COX7A2L: variants seen among roughly 807,000 people sequenced by gnomAD.
COX7A2L encodes the protein cytochrome c oxidase subunit 7A2-like, mitochondrial.
Under a neutral mutation model 14.2 loss-of-function variants are expected in COX7A2L, and 18 were observed. The observed-to-expected ratio is 1.27, with a 90% CI of 0.88 to 1.88. COX7A2L has a LOEUF of 1.88. COX7A2L is among the 40% of genes most tolerant of loss of function. The probability of loss-of-function intolerance (pLI) is 0.00; values close to 1 mark genes in which losing one functional copy is unlikely to be tolerated. For missense variants in COX7A2L, 179 were observed against 138.8 expected, an observed-to-expected ratio of 1.29 and a Z score of -1.46; for synonymous variants, 65 against 57.4, an observed-to-expected ratio of 1.13 and a Z score of -0.60.
At chr2:42,356,389 T>C (rs1434603162) in intron 1 of COX7A2L, among the ~76,000 whole-genome samples, 1 of 152,208 alleles carries the variant, frequency 6.6e-6, no homozygotes, top group African/African-American at 2.4e-5. Context: ...TAATGGAAGC[T>C]CCACAAGCAC....
chr2:42,360,766 G>A (rs1184569882), intron 1 of COX7A2L, among the ~76,000 whole-genome samples: 3 of 152,162 alleles, frequency 2.0e-5, no homozygotes, highest in Non-Finnish European at 4.4e-5. Flanking sequence ...TGAGGGAGAA[G>A]GCCGGACCTC....
chr2:42,353,088 A>G, intron 2 of COX7A2L, 124 bp downstream of exon 2: 1 of 1,180,260 alleles, frequency 8.5e-7, no homozygotes, highest in Non-Finnish European at 1.2e-6. Context: ...TAAAATCAAG[A>G]GAATACTACT....
At chr2:42,343,187 C>G (rs1313574841) in intron 2 of COX7A2L, among the ~76,000 whole-genome samples, 1 of 152,212 alleles carries the variant, frequency 6.6e-6, no homozygotes, top group African/African-American at 2.4e-5. Flanking sequence ...CTCCACCACA[C>G]CCACCCGGGC....
chr2:42,351,195 C>T lies in COX7A2L; in HGVS notation c.*24G>A. The T allele has an allele frequency of 1.3e-6, 2 of 1,593,464 alleles. No homozygotes were observed. The highest frequency in any genetic ancestry group is 2.3e-5 in the South Asian group (2 of 86,462). On this transcript the variant is annotated 3_prime_UTR_variant, in exon 3 of 3. Coordinates refer to ENST00000234301, the MANE Select transcript of COX7A2L (RefSeq NM_004718.4). ...ACTTCAAAGGGTTTATGCCAAAAAA[C>T]AAACCAGTCCTCTGCAGCCTAACTC...
chr2:42,343,009 T>A (rs1467124679), intron 2 of COX7A2L, among the ~76,000 whole-genome samples: 1 of 152,042 alleles, frequency 6.6e-6, no homozygotes, highest in Non-Finnish European at 1.5e-5. Flanking sequence ...CTGCAAGTGA[T>A]CGTCCCACTC....
intron 1 of COX7A2L, among the ~76,000 whole-genome samples, chr2:42,355,778 T>G (rs1020675026): frequency 5.1e-5 from 7 of 138,422 alleles, no homozygotes; most frequent in Non-Finnish European, 9.1e-5. Flanking sequence ...CTGGCTGGAG[T>G]GCAGTGGTGC....
downstream of COX7A2L, among the ~76,000 whole-genome samples, chr2:42,348,530 G>A (rs983798255): frequency 6.6e-6 from 1 of 152,130 alleles, no homozygotes; most frequent in African/African-American, 2.4e-5. Context: ...TCCAAGTTAA[G>A]GAATGTCCTA....
Position 42,350,775 on chromosome 2 carries a change from G to A in COX7A2L, c.*444C>T, listed in dbSNP as rs1263685074. On this transcript the variant is annotated 3_prime_UTR_variant, in exon 3 of 3. Coordinates refer to ENST00000234301, the MANE Select transcript of COX7A2L (RefSeq NM_004718.4). ...TTAATTTAACATTTTACTGCAAAAT[G>A]GAAAAAATCCCCGAGGTGACTAACT... The A allele has an allele frequency of 6.6e-6, 1 of 152,594 alleles. No homozygotes were observed. Among genetic ancestry groups the A allele is most frequent in the African/African-American group, 2.4e-5 (1 of 41,428 alleles). The allele number at this position is 152,594 out of a possible 1,614,324, so 9.5% of individuals were successfully genotyped here. A position where few individuals can be genotyped will look rare whatever the true frequency, so the allele number is the denominator to read the frequency against.
intron 2 of COX7A2L, 42 bp from the exon 3 acceptor site, chr2:42,351,401 A>G (rs1216832761): frequency 6.2e-7 from 1 of 1,604,410 alleles, no homozygotes; most frequent in Non-Finnish European, 8.5e-7. Flanking sequence ...GAGAAGAAAA[A>G]TATTTTACAA....
upstream of COX7A2L, among the ~76,000 whole-genome samples, chr2:42,362,885 A>G (rs1486051843): frequency 1.5e-5 from 2 of 137,892 alleles, no homozygotes; most frequent in Admixed American, 7.2e-5. Flanking sequence ...TTTTTTTTTA[A>G]ATTCTTTTTG....
chr2:42,339,802 C>G lies in COX7A2L; in HGVS notation c.193-5933G>C, dbSNP rs1448950881. Among the ~76,000 whole-genome samples the G allele has an allele frequency of 6.6e-6, 1 of 152,158 alleles. No individual in the cohort carries two copies. The highest frequency in any genetic ancestry group is 2.4e-5 in the African/African-American group (1 of 41,412). ...CCCACAGGGCAGCCTCGACTCTGCC[C>G]TCCTGTCGCCACTGAAGACTTTGGT... On this transcript the variant is annotated intron_variant, in intron 2 of 2. Coordinates refer to the COX7A2L transcript ENST00000468711. The surrounding 1 kb of genome is among the most constrained non-coding windows in gnomAD (Gnocchi z 5.4).
At chr2:42,345,307 CG>C (rs1385484603), downstream of COX7A2L, among the ~76,000 whole-genome samples, 3 of 152,046 alleles carry the variant, frequency 2.0e-5, no homozygotes, top group African/African-American at 7.2e-5. Flanking sequence ...CACTTGAACC[CG>C]GGAGGCGGAG....
At chr2:42,354,868 C>G (rs530455204) in intron 1 of COX7A2L, among the ~76,000 whole-genome samples, 4 of 152,320 alleles carry the variant, frequency 2.6e-5, no homozygotes, top group East Asian at 3.9e-4. Flanking sequence ...TCTATTTAAC[C>G]CTTGTGAAGT....
At chr2:42,359,710 G>A (rs1353844500) in intron 1 of COX7A2L, 1 of 151,646 alleles carries the variant, frequency 6.6e-6, no homozygotes, top group Non-Finnish European at 1.5e-5. Context: ...ACCACCTATG[G>A]GCTGAAGACA....
chr2:42,335,562 A>G (rs1389519796), intron 2 of COX7A2L, among the ~76,000 whole-genome samples: 1 of 152,220 alleles, frequency 6.6e-6, no homozygotes, highest in Non-Finnish European at 1.5e-5. Context: ...TTAACACTTC[A>G]TGTGTTTAAC....
chr2:42,347,014 CG>C (rs1407959199), downstream of COX7A2L, among the ~76,000 whole-genome samples: 1 of 152,020 alleles, frequency 6.6e-6, no homozygotes, highest in Non-Finnish European at 1.5e-5. Context: ...TGGGCTCAAG[CG>C]ATTCTCCTGC....
chr2:42,353,403 T>G (rs1441950567), intron 1 of COX7A2L, 60 bp from the exon 2 acceptor site: 1 of 1,594,282 alleles, frequency 6.3e-7, no homozygotes, highest in African/African-American at 1.4e-5. Flanking sequence ...CTGTCTGGAA[T>G]AGTGGAGGCA....
intron 2 of COX7A2L, among the ~76,000 whole-genome samples, chr2:42,336,565 T>TAAGGAAA (rs1670278384): frequency 6.6e-6 from 1 of 152,060 alleles, no homozygotes; most frequent in South Asian, 2.1e-4. Context: ...TTGTGCCTCC[T>TAAGGAAA]AGGAAAGGTC....
At chr2:42,345,462 C>T (rs1670477660), downstream of COX7A2L, among the ~76,000 whole-genome samples, 1 of 151,340 alleles carries the variant, frequency 6.6e-6, no homozygotes, top group African/African-American at 2.5e-5. Context: ...TTGTTAAAAA[C>T]CTCTAAATTG....
Sources: gnomAD v4.1 joint callset for allele counts (sites outside exome capture counted in the v4.1 genomes callset) on GRCh38, gnomAD v4.1.1 for gene constraint, Gnocchi (gnomAD v3.1) non-coding constraint, MANE v1.5 for transcripts, NCBI Gene and HGNC (gene_info 2026-07-23, HGNC 2026-07-21) for gene names.